Variants in DRG1 observed in about 807,000 individuals in gnomAD.
The protein encoded by DRG1 is developmentally regulated GTP binding protein 1.
Under a neutral mutation model 38.8 loss-of-function variants are expected in DRG1, and 19 were observed. The observed-to-expected ratio is 0.49, with a 90% CI of 0.34 to 0.72. The LOEUF (loss-of-function observed/expected upper bound fraction) is 0.72. Ranked by LOEUF, DRG1 falls within the 30% of genes least tolerant of loss-of-function variation. DRG1 has a pLI of 0.01. For missense variants in DRG1, 299 were observed against 444.8 expected (o/e 0.67, Z 2.95); for synonymous variants, 167 against 157.5 (o/e 1.06, Z -0.45).
At chr22:31,420,939 G>A (rs2050073426) in intron 5 of DRG1, among the ~76,000 whole-genome samples, 1 of 152,102 alleles carries the variant, frequency 6.6e-6, no homozygotes, top group Non-Finnish European at 1.5e-5. Flanking sequence ...TGTGAGGGTT[G>A]CAGTTTTAAG....
intron 4 of DRG1, among the ~76,000 whole-genome samples, chr22:31,412,445 G>A (rs1214182684): frequency 6.7e-6 from 1 of 148,708 alleles, no homozygotes; most frequent in Non-Finnish European, 1.5e-5. Flanking sequence ...CCGCCTCCCG[G>A]GCTCATGCCA....
intron 6 of DRG1, among the ~76,000 whole-genome samples, chr22:31,424,083 C>T (rs1055760442): frequency 4.0e-5 from 6 of 151,200 alleles, no homozygotes; most frequent in East Asian, 2.0e-4. Context: ...AGGCTGGTTT[C>T]GAACTCCTGA....
At chr22:31,425,477 G>C (rs2050104995) in intron 6 of DRG1, among the ~76,000 whole-genome samples, 1 of 141,230 alleles carries the variant, frequency 7.1e-6, no homozygotes, top group South Asian at 2.2e-4. Flanking sequence ...TCATGCTCTT[G>C]TCGCCCAGGC....
At chr22:31,425,509 C>T (rs906120770) in intron 6 of DRG1, among the ~76,000 whole-genome samples, 1 of 151,160 alleles carries the variant, frequency 6.6e-6, no homozygotes, top group African/African-American at 2.4e-5. Flanking sequence ...GGTGTGATCA[C>T]GGCTTACCGC....
intron 6 of DRG1, among the ~76,000 whole-genome samples, chr22:31,425,790 C>T (rs1204076085): frequency 6.6e-6 from 1 of 152,204 alleles, no homozygotes; most frequent in Non-Finnish European, 1.5e-5. Flanking sequence ...TAAAATTACT[C>T]ATAGCATTTG....
At chr22:31,399,984 C>T (rs902316821) in intron 1 of DRG1, among the ~76,000 whole-genome samples, 1 of 152,150 alleles carries the variant, frequency 6.6e-6, no homozygotes, top group Non-Finnish European at 1.5e-5. Flanking sequence ...ACCCCTGCAC[C>T]TTAGGCCCTT....
rs932920338 is a variant in DRG1 at position 31,434,323 on chromosome 22, T to C, written c.*352T>C. 1 of 222,476 alleles carries C rather than the reference T, an allele frequency of 4.5e-6. No homozygotes were observed. Among genetic ancestry groups the C allele is most frequent in the Non-Finnish European group, 8.9e-6 (1 of 111,862 alleles). 13.8% of individuals were successfully genotyped at this position (222,476 alleles called of 1,614,324 possible). ...GGATAAAAATATGACATGCTGCATC[T>C]TACTTGATGTTTACTTATGGGAACC... On this transcript the variant is annotated 3_prime_UTR_variant, in exon 9 of 9. Transcript: ENST00000331457.
chr22:31,416,087 T>G (rs1452308810), intron 4 of DRG1, among the ~76,000 whole-genome samples: 5 of 151,964 alleles, frequency 3.3e-5, no homozygotes, highest in Non-Finnish European at 7.4e-5. Context: ...GGCAGGCAGA[T>G]CACTTGAGGC....
At chr22:31,399,831 C>T (rs539745153) in intron 1 of DRG1, 106 bp downstream of exon 1, 2 of 1,535,654 alleles carry the variant, frequency 1.3e-6, no homozygotes, top group South Asian at 1.1e-5. Context: ...GGCCTAGATT[C>T]CGCGACTTCT....
chr22:31,426,052 A>G (rs1268696126), intron 6 of DRG1, among the ~76,000 whole-genome samples: 2 of 152,230 alleles, frequency 1.3e-5, no homozygotes, highest in Non-Finnish European at 2.9e-5. Context: ...GTACCAATAA[A>G]TAAAACACTT....
At chr22:31,404,693 C>T (rs1379003559) in intron 3 of DRG1, among the ~76,000 whole-genome samples, 1 of 152,104 alleles carries the variant, frequency 6.6e-6, no homozygotes, top group East Asian at 1.9e-4. Context: ...ATGATCTCGG[C>T]TCACTGCAAC....
intron 3 of DRG1, among the ~76,000 whole-genome samples, chr22:31,410,589 G>C (rs191753887): frequency 6.6e-5 from 10 of 151,568 alleles, no homozygotes; most frequent in African/African-American, 2.4e-4. Context: ...TGATGCCGGT[G>C]GATCCCTGAG....
intron 8 of DRG1, among the ~76,000 whole-genome samples, chr22:31,427,481 T>C (rs2050117037): frequency 1.3e-5 from 2 of 152,308 alleles, no homozygotes; most frequent in Non-Finnish European, 2.9e-5. Flanking sequence ...CACACTGGCC[T>C]CTACTGGGTA....
intron 3 of DRG1, among the ~76,000 whole-genome samples, chr22:31,404,257 T>C (rs1209180370): frequency 6.6e-6 from 1 of 151,434 alleles, no homozygotes; most frequent in African/African-American, 2.4e-5. Flanking sequence ...TCTTTTTTTT[T>C]TTTTTTGAGA....
intron 8 of DRG1, among the ~76,000 whole-genome samples, chr22:31,428,257 G>A (rs940186165): frequency 4.0e-5 from 6 of 151,890 alleles, no homozygotes; most frequent in African/African-American, 1.5e-4. Flanking sequence ...TGTCGCCCAG[G>A]CTGGAGTGCA....
At chr22:31,406,741 G>T (rs2049991896) in intron 3 of DRG1, among the ~76,000 whole-genome samples, 2 of 151,572 alleles carry the variant, frequency 1.3e-5, no homozygotes, top group South Asian at 4.2e-4. Context: ...TGCTTCTCCT[G>T]TTGTTAACAT....
At chr22:31,426,387 A>G (rs1259075018) in intron 6 of DRG1, 4 of 434,434 alleles carry the variant, frequency 9.2e-6, no homozygotes, top group East Asian at 3.8e-5. Context: ...CCACTGCAGT[A>G]TGCTTTCCTA....
intron 3 of DRG1, among the ~76,000 whole-genome samples, chr22:31,405,304 A>G (rs984740175): frequency 1.3e-5 from 2 of 151,678 alleles, no homozygotes; most frequent in African/African-American, 4.8e-5. Context: ...AGTAGCTGGG[A>G]CTACATGCGC....
chr22:31,409,943 C>T (rs865810192), intron 3 of DRG1, among the ~76,000 whole-genome samples: 48 of 151,758 alleles, frequency 3.2e-4, no homozygotes, highest in African/African-American at 1.0e-3. Context: ...TGCAGTGAGC[C>T]GAGATCACGC....
Sources: allele counts gnomAD v4.1 joint callset (sites outside exome capture counted in the v4.1 genomes callset), GRCh38; gene constraint gnomAD v4.1.1; transcripts MANE v1.5; gene names NCBI Gene and HGNC (gene_info 2026-07-23, HGNC 2026-07-21).